The following PDXDC1 variants were observed in gnomAD, a reference collection of about 807,000 sequenced individuals.
PDXDC1 encodes the protein pyridoxal dependent decarboxylase domain containing 1.
Under a neutral mutation model 100.1 loss-of-function variants are expected in PDXDC1, and 42 were observed. The ratio of observed to expected loss-of-function variants is 0.42; its 90% confidence interval spans 0.33 to 0.54. PDXDC1 has a LOEUF of 0.54. Among genes scored for constraint, PDXDC1 ranks in the 20% least tolerant of loss-of-function variants. The pLI is 0.10. For missense variants in PDXDC1, 636 were observed against 979.2 expected, an observed-to-expected ratio of 0.65 and a Z score of 4.68; for synonymous variants, 260 against 371.7, an observed-to-expected ratio of 0.70 and a Z score of 3.46.
intron 1 of PDXDC1, among the ~76,000 whole-genome samples, chr16:14,980,422 C>T (rs1320730462): frequency 6.6e-6 from 1 of 152,276 alleles, no homozygotes; most frequent in South Asian, 2.1e-4. Context: ...AAGCAATTCT[C>T]CTGCCTCAGC....
chr16:15,049,026 TG>T (rs1043755835), intron 16 of PDXDC1, among the ~76,000 whole-genome samples: 1 of 146,362 alleles, frequency 6.8e-6, no homozygotes, highest in African/African-American at 2.6e-5. Context: ...CCCAAAGTGC[TG>T]GGAGTACAGG....
intron 16 of PDXDC1, chr16:15,094,211 G>A (rs761062517): frequency 4.4e-6 from 7 of 1,596,006 alleles, no homozygotes; most frequent in Admixed American, 3.5e-5. Flanking sequence ...CGGCAAACGC[G>A]TGTGAAGCAG....
intron 16 of PDXDC1, chr16:15,130,263 T>C (rs1205541963): frequency 1.9e-6 from 3 of 1,546,400 alleles, no homozygotes; most frequent in South Asian, 1.2e-5. Context: ...GGCGGTGAGG[T>C]GGCGGGTGAG....
chr16:15,006,697 G>C, intron 6 of PDXDC1, 114 bp downstream of exon 6: 4 of 1,040,026 alleles, frequency 3.8e-6, no homozygotes, highest in Non-Finnish European at 4.0e-6. Flanking sequence ...AAGAAAGATG[G>C]TCTTATATGC....
At chr16:15,034,010 G>A (rs906391939) in intron 19 of PDXDC1, 1 of 541,394 alleles carries the variant, frequency 1.8e-6, no homozygotes. Context: ...TCCTTTCTGG[G>A]TGGACTCCTT....
rs1974251978 is a variant in PDXDC1, at chr16:15,006,406, G to T, written c.402G>T (p.Gly134=). The change falls in exon 6 of 23, where the codon GGG becomes GGT. Residue 134 remains glycine (G), a synonymous_variant. Transcript: ENST00000396410. The part of the protein sequence containing the change: ...WLCRIFRYEN[G]CAYFHEEERE... ...TATCTCTTAACAGATATGAAAATGGGTGTGCTTATTTCCACGAAGAGGAAA... is the reference window on the plus strand; with the variant it reads ...TATCTCTTAACAGATATGAAAATGGTTGTGCTTATTTCCACGAAGAGGAAA... 1 of 1,586,612 alleles carries T rather than the reference G, an allele frequency of 6.3e-7. No homozygotes were observed. The highest frequency in any genetic ancestry group is 1.1e-5 in the South Asian group (1 of 88,568).
chr16:15,101,267 G>A (rs1415229284), intron 16 of PDXDC1, among the ~76,000 whole-genome samples: 6 of 152,200 alleles, frequency 3.9e-5, no homozygotes, highest in Admixed American at 6.6e-5. Flanking sequence ...TTACACTCAG[G>A]TGGAAACTGA....
chr16:14,977,381 G>A (rs1317509460), intron 1 of PDXDC1, among the ~76,000 whole-genome samples: 5 of 148,786 alleles, frequency 3.4e-5, no homozygotes, highest in Non-Finnish European at 7.4e-5. Flanking sequence ...CCGGATTCAA[G>A]TGATTCTCCT....
intron 1 of PDXDC1, among the ~76,000 whole-genome samples, chr16:14,975,889 G>A (rs1331109944): frequency 6.6e-6 from 1 of 152,296 alleles, no homozygotes; most frequent in Non-Finnish European, 1.5e-5. Context: ...GAAAGGGGTG[G>A]GTGTTGCGTA....
chr16:14,977,101 C>G (rs1394161374), intron 1 of PDXDC1, among the ~76,000 whole-genome samples: 1 of 152,238 alleles, frequency 6.6e-6, no homozygotes, highest in African/African-American at 2.4e-5. Flanking sequence ...ATCTTAAACT[C>G]TCTCAATGAG....
intron 16 of PDXDC1, among the ~76,000 whole-genome samples, chr16:15,093,165 C>G (rs548629650): frequency 6.6e-6 from 1 of 152,170 alleles, no homozygotes; most frequent in Non-Finnish European, 1.5e-5. Flanking sequence ...CCACCATGCC[C>G]GGCTGATTTT....
At chr16:15,074,550 T>A in intron 16 of PDXDC1, 2 of 451,140 alleles carry the variant, frequency 4.4e-6, no homozygotes. Context: ...CCAGTCCCAT[T>A]TTCAAGCTAT....
At position 15,033,497 on chromosome 16, in the gene PDXDC1, G is replaced by A. The variant is rs552344708; in HGVS notation, c.1812+98G>A. On this transcript the variant is annotated intron_variant, in intron 19 of 22. Coordinates refer to ENST00000396410, the MANE Select transcript of PDXDC1 (RefSeq NM_015027.4). ...GCAGCTGCCCTTGGGATGTCTGTTC[G>A]TTGTCTCTCAAAGTCTGTCAATGTT... The A allele has an allele frequency of 9.9e-5, 134 of 1,357,880 alleles. 1 individual carries two copies. The highest frequency in any genetic ancestry group is 5.8e-4 in the South Asian group (48 of 82,432). 84.1% of individuals were successfully genotyped at this position (1,357,880 alleles called of 1,614,324 possible). A position where few individuals can be genotyped will look rare whatever the true frequency, so the allele number is the denominator to read the frequency against.
intron 21 of PDXDC1, among the ~76,000 whole-genome samples, 156 bp downstream of exon 21, chr16:15,034,709 GC>G (rs1397234475): frequency 1.4e-4 from 22 of 152,034 alleles, no homozygotes; most frequent in Non-Finnish European, 1.0e-4. Flanking sequence ...GTTCTGGTGT[GC>G]CCTGTCCTCC....
chr16:15,133,740 C>T (rs1454230298), intron 16 of PDXDC1: 17 of 1,600,602 alleles, frequency 1.1e-5, no homozygotes, highest in Admixed American at 8.5e-5. Context: ...GGGAGGGCTC[C>T]GTGACGTCAC....
At chr16:15,131,536 C>A (rs888346372) in intron 16 of PDXDC1, 1 of 1,609,486 alleles carries the variant, frequency 6.2e-7, no homozygotes, top group Non-Finnish European at 8.5e-7. Flanking sequence ...GATCTCCTCG[C>A]CCGCCAGTGT....
chr16:15,127,466 C>A, intron 16 of PDXDC1: 1 of 1,562,122 alleles, frequency 6.4e-7, no homozygotes, highest in South Asian at 1.2e-5. Context: ...CAGCCCCAGC[C>A]CACCTTGCTC....
At chr16:15,082,931 G>C (rs2045764722) in intron 16 of PDXDC1, among the ~76,000 whole-genome samples, 2 of 152,158 alleles carry the variant, frequency 1.3e-5, no homozygotes, top group South Asian at 4.1e-4. Flanking sequence ...AGTAATTCTT[G>C]TCCATATGAG....
intron 18 of PDXDC1, 46 bp from the exon 19 acceptor site, chr16:15,033,232 A>G (rs757345725): frequency 1.1e-5 from 17 of 1,609,582 alleles, no homozygotes; most frequent in Non-Finnish European, 1.4e-5. Flanking sequence ...CGTCTCACCC[A>G]TGACAGAGGA....
Sources: gnomAD v4.1 joint callset for allele counts (sites outside exome capture counted in the v4.1 genomes callset) on GRCh38, gnomAD v4.1.1 for gene constraint, MANE v1.5 for transcripts, NCBI Gene and HGNC (gene_info 2026-07-23, HGNC 2026-07-21) for gene names.